Variants in FLT4 observed in about 807,000 individuals in gnomAD.
The protein encoded by FLT4 is vascular endothelial growth factor receptor 3.
FLT4 carries 30 observed loss-of-function variants against 163.2 expected under a neutral mutation model. The ratio of observed to expected loss-of-function variants is 0.18; its 90% CI spans 0.14 to 0.25. FLT4 has a LOEUF of 0.25. Among genes scored for constraint, FLT4 ranks in the 10% least tolerant of loss-of-function variants. The pLI, the probability that FLT4 is intolerant of heterozygous loss-of-function variation, is 1.00. For missense variants in FLT4, 1,510 were observed against 1,863.8 expected (o/e 0.81, Z 3.50); for synonymous variants, 884 against 789.5 (o/e 1.12, Z -2.01).
intron 1 of FLT4, among the ~76,000 whole-genome samples, chr5:180,649,031 G>C (rs1765621326): frequency 6.6e-6 from 1 of 152,160 alleles, no homozygotes; most frequent in Non-Finnish European, 1.5e-5. Flanking sequence ...ACCGCGAGCG[G>C]AGGCGCTGGG....
chr5:180,620,143 G>T lies in FLT4; in HGVS notation c.2542+30C>A, dbSNP rs940729488. 6.3e-7 allele frequency: 1 copy of T among 1,596,474 alleles called. No individual in the cohort carries two copies. The highest frequency in any genetic ancestry group is 1.1e-5 in the South Asian group (1 of 90,746). ...GCAGCAGGTGGGTCGGGCAGGAGGT[G>T]TGGGTTGGGCAGGCTGGTGCTGGCC... On this transcript the variant is annotated intron_variant, in intron 17 of 29. Transcript: ENST00000261937. The surrounding 1 kb of genome is among the most constrained non-coding windows in gnomAD (Gnocchi z 4.4).
intron 13 of FLT4, 135 bp from the exon 14 acceptor site, chr5:180,621,387 CGCCTCCGCA>C: frequency 7.2e-7 from 1 of 1,398,006 alleles, no homozygotes; most frequent in Middle Eastern, 2.5e-4. Flanking sequence ...GAGCGCGGCG[CGCCTCCGCA>C]GGGGGCGGCG....
In FLT4 at chr5:180,620,466, G is replaced by A. The variant is rs971512780; in HGVS notation, c.2406+143C>T. On this transcript the variant is annotated intron_variant, in intron 16 of 29. Transcript: ENST00000261937. This position sits in a 1 kb window ranked among gnomAD's most constrained non-coding sequence, Gnocchi z 4.4. ...GACAGACAACCTCTGCGGGGTTGGA[G>A]CCCAGCGTGAAGGGCAGGGAGGCTT... is the stretch of plus-strand genomic sequence containing the variant. 1.3e-5 allele frequency: 16 copies of A among 1,221,130 alleles called. No homozygotes were observed. The highest frequency in any genetic ancestry group is 5.9e-5 in the African/African-American group (4 of 67,272). The allele number at this position is 1,221,130 out of a possible 1,614,324, so 75.6% of individuals were successfully genotyped here.
intron 1 of FLT4, among the ~76,000 whole-genome samples, chr5:180,647,789 G>C (rs307816): frequency 0.54 from 81,473 of 151,882 alleles, 23,060 homozygotes; most frequent in Non-Finnish European, 0.62. Context: ...TCCATGGGGC[G>C]CCCAACTAAT....
intron 1 of FLT4, among the ~76,000 whole-genome samples, chr5:180,645,099 G>A (rs899840012): frequency 1.3e-5 from 2 of 152,246 alleles, no homozygotes; most frequent in African/African-American, 4.8e-5. Context: ...GGTACCACGA[G>A]CCCAAGAAGC....
At position 180,616,973 on chromosome 5, in the gene FLT4, G is replaced by C. The variant is rs149033942; in HGVS notation, c.3023C>G (p.Pro1008Arg). 9.3e-6 allele frequency: 15 copies of C among 1,613,220 alleles called. No individual in the cohort carries two copies. The highest frequency in any genetic ancestry group is 1.3e-5 in the Non-Finnish European group (15 of 1,179,908). Reference protein sequence around the residue: ...DQEAEDLWLSPLTMEDLVCYS... With the variant: ...DQEAEDLWLSRLTMEDLVCYS... ...GCAGACAAGATCTTCCATGGTCAGC[G>C]GGCTCAGCCACAGGTCCTCAGCTAC... The change falls in exon 22 of 30, where the codon CCG becomes CGG. Residue 1008 changes from proline (P) to arginine (R), a missense_variant. By Grantham distance (103) the Pro-to-Arg change is moderately radical (BLOSUM62 -2). Around this residue, in one of 5 missense-constraint regions of FLT4, gnomAD observed 878 missense variants for 1,016.7 expected, o/e 0.86. Transcript: ENST00000261937.
chr5:180,625,609 G>C (rs1189942333), intron 10 of FLT4, among the ~76,000 whole-genome samples: 1 of 152,266 alleles, frequency 6.6e-6, no homozygotes, highest in East Asian at 1.9e-4. Context: ...CTTGAGGGAG[G>C]TGGGCAGGGG....
chr5:180,625,555 T>C (rs1432748564), intron 10 of FLT4, among the ~76,000 whole-genome samples: 1 of 152,208 alleles, frequency 6.6e-6, no homozygotes, highest in Non-Finnish European at 1.5e-5. Context: ...ATGTGCTTCC[T>C]TCTCCCTCCA....
At chr5:180,608,230 G>A (rs987627543) in intron 29 of FLT4, 2 of 700,782 alleles carry the variant, frequency 2.9e-6, no homozygotes, top group Non-Finnish European at 5.2e-6. Flanking sequence ...TTTCTTATAA[G>A]TGCAGAGAAG....
At chr5:180,641,681 T>G (rs1224201475) in intron 1 of FLT4, among the ~76,000 whole-genome samples, 1 of 152,184 alleles carries the variant, frequency 6.6e-6, no homozygotes, top group Non-Finnish European at 1.5e-5. Context: ...CCTGCTAACC[T>G]GGCCAGCAGC....
chr5:180,643,597 C>A (rs539928274), intron 1 of FLT4, among the ~76,000 whole-genome samples: 1 of 152,286 alleles, frequency 6.6e-6, no homozygotes, highest in African/African-American at 2.4e-5. Context: ...CATCCCCTGC[C>A]CCTTTGCTGC....
intron 18 of FLT4, 59 bp from the exon 19 acceptor site, chr5:180,619,425 A>AGGT: frequency 7.9e-7 from 1 of 1,259,452 alleles, no homozygotes; most frequent in Non-Finnish European, 1.1e-6. Context: ...GTTCCCCGCC[A>AGGT]CCCGGCGCTT....
chr5:180,622,931 C>G (rs1007973263), intron 11 of FLT4, 92 bp from the exon 12 acceptor site: 6 of 792,950 alleles, frequency 7.6e-6, no homozygotes, highest in African/African-American at 3.4e-5. Flanking sequence ...GTGCACCACC[C>G]CCCCCAATCA....
At chr5:180,634,240 C>T (rs750057173) in intron 1 of FLT4, among the ~76,000 whole-genome samples, 14 of 152,216 alleles carry the variant, frequency 9.2e-5, no homozygotes, top group Admixed American at 2.6e-4. Context: ...CTAGTTCAGA[C>T]GCCCTCATCA....
upstream of FLT4, among the ~76,000 whole-genome samples, chr5:180,649,783 GCT>G (rs1765657911): frequency 6.6e-6 from 1 of 151,976 alleles, no homozygotes; most frequent in African/African-American, 2.4e-5. Context: ...CTCCTGGGCG[GCT>G]CCGGGCGCGG....
chr5:180,614,042 C>T, intron 24 of FLT4, 26 bp downstream of exon 24: 1 of 1,522,566 alleles, frequency 6.6e-7, no homozygotes, highest in African/African-American at 1.4e-5. Context: ...CCTCCTCTCC[C>T]CACCGGCACC....
intron 28 of FLT4, chr5:180,609,268 T>A: frequency 1.6e-6 from 1 of 610,900 alleles, no homozygotes; most frequent in Non-Finnish European, 3.0e-6. Context: ...AGGGGGGCTG[T>A]GTGTGGCCCG....
rs1337090715 is a variant in FLT4, at chr5:180,629,767, C to T, written c.745G>A (p.Val249Ile). Residue 249 changes from valine to isoleucine, a missense_variant, in exon 6 of 30, where the codon GTC becomes ATC. Physicochemically the swap from Val to Ile is conservative, Grantham distance 29. This residue lies in a region of FLT4 where 163 missense variants were observed against 281.1 expected (regional missense o/e 0.58). Transcript: ENST00000261937. ...SLELLVGEKL[V>I]LNCTVWAEFN... Reference sequence around the variant, plus strand: ...TCAGCCCACACGGTGCAGTTCAGGACCAGCTTCTCCCCTACCAGCAGCTCC... The same window carrying T: ...TCAGCCCACACGGTGCAGTTCAGGATCAGCTTCTCCCCTACCAGCAGCTCC... 6.2e-7 allele frequency: 1 copy of T among 1,612,362 alleles called. No individual in the cohort carries two copies.
intron 17 of FLT4, 118 bp from the exon 18 acceptor site, chr5:180,619,887 G>T (rs1762991400): frequency 2.6e-6 from 2 of 767,776 alleles, no homozygotes; most frequent in Non-Finnish European, 4.4e-6. Flanking sequence ...CAGGAGGAGC[G>T]TGGGGAGCCA....
Sources: gnomAD v4.1 joint callset for allele counts (sites outside exome capture counted in the v4.1 genomes callset) on GRCh38, gnomAD v4.1.1 for gene constraint, gnomAD v4.1.1 regional missense constraint, Gnocchi (gnomAD v3.1) non-coding constraint, MANE v1.5 for transcripts, NCBI Gene and HGNC (gene_info 2026-07-23, HGNC 2026-07-21) for gene names.